Variants in KCNN2 observed in about 807,000 individuals in gnomAD.
KCNN2 encodes the protein small conductance calcium-activated potassium channel protein 2.
KCNN2 carries 24 observed loss-of-function variants against 55.5 expected under a neutral mutation model. That is an observed-to-expected ratio of 0.43 (90% CI 0.31 to 0.61). The LOEUF is 0.61. Among genes scored for constraint, KCNN2 ranks in the 20% least tolerant of loss-of-function variants. KCNN2 has a pLI of 0.08. For missense variants in KCNN2, 754 were observed against 853.6 expected (o/e 0.88, Z 1.45); for synonymous variants, 431 against 336.1 (o/e 1.28, Z -3.09).
upstream of KCNN2, among the ~76,000 whole-genome samples, chr5:114,357,156 A>C (rs567885884): frequency 2.6e-5 from 4 of 152,228 alleles, no homozygotes; most frequent in South Asian, 8.3e-4. Context: ...TACCAAAAAC[A>C]CCCAAAGTCA....
intron 2 of KCNN2, among the ~76,000 whole-genome samples, chr5:114,254,642 G>C (rs1048706456): frequency 6.6e-6 from 1 of 152,060 alleles, no homozygotes; most frequent in Non-Finnish European, 1.5e-5. Context: ...GTATATTTTA[G>C]CTTATAGTGT....
At chr5:114,156,759 C>CT (rs1029237781) in intron 1 of KCNN2, among the ~76,000 whole-genome samples, 12 of 151,774 alleles carry the variant, frequency 7.9e-5, no homozygotes, top group East Asian at 5.8e-4. Flanking sequence ...AGTTGTTTCT[C>CT]TTTTTTTTCC....
intron 3 of KCNN2, among the ~76,000 whole-genome samples, chr5:114,415,573 TTA>T (rs1345072675): frequency 6.6e-6 from 1 of 152,220 alleles, no homozygotes; most frequent in Non-Finnish European, 1.5e-5. Context: ...ATTTATAGTC[TTA>T]TAACCATTCT....
At chr5:114,062,075 GTTAT>G (rs953637088) in intron 1 of KCNN2, among the ~76,000 whole-genome samples, 5 of 150,834 alleles carry the variant, frequency 3.3e-5, no homozygotes, top group African/African-American at 1.2e-4. Context: ...TTTGCTTATG[GTTAT>G]TTATTTAAGA....
intron 1 of KCNN2, among the ~76,000 whole-genome samples, chr5:114,130,918 C>G (rs1426248199): frequency 6.6e-6 from 1 of 152,178 alleles, no homozygotes; most frequent in Non-Finnish European, 1.5e-5. Flanking sequence ...CTGTCTGCAT[C>G]AGATAGCTCA....
chr5:114,372,196 G>T (rs1757780193), intron 2 of KCNN2, among the ~76,000 whole-genome samples: 1 of 152,166 alleles, frequency 6.6e-6, no homozygotes, highest in Non-Finnish European at 1.5e-5. Context: ...GATATTGGTG[G>T]TTCTTACTTG....
At chr5:114,456,631 C>T (rs1319669355) in intron 3 of KCNN2, among the ~76,000 whole-genome samples, 1 of 152,140 alleles carries the variant, frequency 6.6e-6, no homozygotes. Context: ...TGAAAACCTT[C>T]TGGAAAGGAT....
chr5:114,241,760 A>G lies in KCNN2; in HGVS notation c.-185+20195A>G, dbSNP rs1231978564. ...TATATACGTATATATATGTATATAT[A>G]TACGTATATATATACATATATACGT... On this transcript the variant is annotated intron_variant, in intron 2 of 10. Coordinates refer to the KCNN2 transcript ENST00000512097. 4.1e-4 allele frequency among the ~76,000 whole-genome samples: 9 copies of G among 21,888 alleles called. 2 individuals carry two copies. Among genetic ancestry groups the G allele is most frequent in the Non-Finnish European group, 7.3e-4 (9 of 12,342 alleles). The allele number at this position is 21,888 out of a possible 152,430, so 14.4% of individuals were successfully genotyped here.
intron 2 of KCNN2, among the ~76,000 whole-genome samples, chr5:114,264,314 G>T (rs575875593): frequency 2.0e-5 from 3 of 152,126 alleles, no homozygotes; most frequent in South Asian, 4.1e-4. Flanking sequence ...ATCCTTTCAT[G>T]TTCCATAATT....
intron 1 of KCNN2, among the ~76,000 whole-genome samples, chr5:114,158,055 G>C (rs1752677744): frequency 6.6e-6 from 1 of 152,140 alleles, no homozygotes; most frequent in Non-Finnish European, 1.5e-5. Context: ...TGCTTTTCGT[G>C]TTTTAGACAT....
chr5:114,264,849 C>T (rs960808128), intron 2 of KCNN2, among the ~76,000 whole-genome samples: 2 of 152,220 alleles, frequency 1.3e-5, no homozygotes, highest in Non-Finnish European at 2.9e-5. Context: ...CTTCCAGTCC[C>T]AGGAAGCCTG....
chr5:114,462,323 C>T (rs569269573), intron 3 of KCNN2, among the ~76,000 whole-genome samples: 1 of 152,186 alleles, frequency 6.6e-6, no homozygotes, highest in Non-Finnish European at 1.5e-5. Flanking sequence ...GATTAGGATA[C>T]TTTGTATCCC....
chr5:114,391,011 C>T (rs1048073825), intron 2 of KCNN2, among the ~76,000 whole-genome samples: 2 of 152,072 alleles, frequency 1.3e-5, no homozygotes, highest in Admixed American at 6.6e-5. Flanking sequence ...ATCACTGCAT[C>T]CTGGTGGATA....
intron 1 of KCNN2, among the ~76,000 whole-genome samples, chr5:114,100,453 C>G (rs1187153454): frequency 6.6e-6 from 1 of 152,026 alleles, no homozygotes; most frequent in Non-Finnish European, 1.5e-5. Flanking sequence ...AATCAAGGAA[C>G]TAAGTATATT....
At position 114,069,189 on chromosome 5, in the gene KCNN2, C is replaced by T. The variant is rs373315622; in HGVS notation, c.-271+12689C>T. ...GTTTGTACAGTGTACCTGGTGATGG[C>T]CTGAGAAGACTGAGCAGCCAGCCCT... is the stretch of plus-strand genomic sequence containing the variant. On this transcript the variant is annotated intron_variant, in intron 1 of 10. Transcript: ENST00000512097. 3.3e-5 allele frequency among the ~76,000 whole-genome samples: 5 copies of T among 152,232 alleles called. No homozygotes were observed. In the East Asian group the frequency reaches 9.7e-4, roughly 29 times the overall value.
rs1398818808 is a variant in KCNN2 at position 114,496,278 on chromosome 5, A to G, written c.*96A>G. 2.3e-6 allele frequency: 3 copies of G among 1,326,660 alleles called. No homozygotes were observed. In the African/African-American group the frequency reaches 4.4e-5, roughly 19 times the overall value. 82.2% of individuals were successfully genotyped at this position (1,326,660 alleles called of 1,614,324 possible). A position where few individuals can be genotyped will look rare whatever the true frequency, so the allele number is the denominator to read the frequency against. ...AGCCCCTATGGTTCTAATCAGCGTTATCCGGGTTCTGATGTCAGAATCCTG... is the reference window on the plus strand; with the variant it reads ...AGCCCCTATGGTTCTAATCAGCGTTGTCCGGGTTCTGATGTCAGAATCCTG... On this transcript the variant is annotated 3_prime_UTR_variant, in exon 8 of 8. Coordinates refer to ENST00000673685, the MANE Select transcript of KCNN2 (RefSeq NM_021614.4).
chr5:114,070,947 T>C (rs1267435130), intron 1 of KCNN2, among the ~76,000 whole-genome samples: 1 of 152,250 alleles, frequency 6.6e-6, no homozygotes, highest in East Asian at 1.9e-4. Context: ...TTCAACATAT[T>C]CGTATATTAC....
chr5:114,221,934 A>C (rs1253580950), intron 2 of KCNN2, among the ~76,000 whole-genome samples: 1 of 152,224 alleles, frequency 6.6e-6, no homozygotes, highest in East Asian at 1.9e-4. Flanking sequence ...GGAACAAAAT[A>C]CTATAGCTTC....
rs535941306 is a variant in KCNN2 at position 114,496,012 on chromosome 5, C to A, written c.2206C>A (p.Leu736Ile). The change falls in exon 8 of 8, where the codon CTC (leucine) becomes ATC (isoleucine). Residue 736 changes from leucine (L) to isoleucine (I), a missense_variant. Leu to Ile is a conservative substitution (Grantham distance 5). This residue lies in a region of KCNN2 where 164 missense variants were observed against 156.6 expected (regional missense o/e 1.05). Transcript: ENST00000673685. ...LETLIGSIHA[L>I]PGLISQTIRQ... Reference sequence around the variant, plus strand: ...GACTTTGATTGGTAGCATCCACGCCCTCCCTGGGCTCATAAGCCAGACCAT... The same window carrying A: ...GACTTTGATTGGTAGCATCCACGCCATCCCTGGGCTCATAAGCCAGACCAT... 2 of 1,614,076 alleles carry A rather than the reference C, an allele frequency of 1.2e-6. No individual in the cohort carries two copies. Among genetic ancestry groups the A allele is most frequent in the East Asian group, 4.5e-5 (2 of 44,842 alleles).
Sources: allele counts gnomAD v4.1 joint callset (sites outside exome capture counted in the v4.1 genomes callset), GRCh38; gene constraint gnomAD v4.1.1; regional missense constraint gnomAD v4.1.1; transcripts MANE v1.5; gene names NCBI Gene and HGNC (gene_info 2026-07-23, HGNC 2026-07-21).